IL1RAPL1: variants seen among roughly 807,000 people sequenced by gnomAD.
The protein encoded by IL1RAPL1 is interleukin-1 receptor accessory protein-like 1.
Under a neutral mutation model 48.4 loss-of-function variants are expected in IL1RAPL1, and 3 were observed. That is an observed-to-expected ratio of 0.06 (90% confidence interval 0.03 to 0.16). The LOEUF (loss-of-function observed/expected upper bound fraction) is 0.16, where lower values mean the gene tolerates loss of function less well. IL1RAPL1 is among the 10% of genes least tolerant of loss of function. IL1RAPL1 has a pLI of 1.00. For missense variants in IL1RAPL1, 349 were observed against 530.6 expected (o/e 0.66, Z 3.36); for synonymous variants, 185 against 187.7 (o/e 0.99, Z 0.12).
chrX:29,584,030 G>T (rs1923072454), intron 5 of IL1RAPL1, among the ~76,000 whole-genome samples: 1 of 111,338 alleles, frequency 9.0e-6, no homozygotes, highest in Non-Finnish European at 1.9e-5. Flanking sequence ...CTCTGGCACT[G>T]GTCCCTTGCT....
chrX:29,670,451 A>C (rs1323980216), intron 6 of IL1RAPL1, among the ~76,000 whole-genome samples: 2 of 111,917 alleles, frequency 1.8e-5, no homozygotes, highest in East Asian at 5.6e-4. Context: ...ATTTTAAGCA[A>C]CTTTTATTTT....
chrX:28,993,509 A>G (rs1241034858), intron 2 of IL1RAPL1, among the ~76,000 whole-genome samples: 1 of 111,971 alleles, frequency 8.9e-6, no homozygotes, highest in Non-Finnish European at 1.9e-5. Flanking sequence ...GATTGTGAGA[A>G]AGAGTTAACA....
intron 2 of IL1RAPL1, among the ~76,000 whole-genome samples, chrX:28,807,675 A>G (rs868707374): frequency 1.8e-5 from 2 of 111,590 alleles, no homozygotes; most frequent in Middle Eastern, 9.3e-3. Flanking sequence ...TATCCTAACT[A>G]GAAACCAGGT....
intron 5 of IL1RAPL1, among the ~76,000 whole-genome samples, chrX:29,611,038 A>G (rs934138036): frequency 3.6e-5 from 4 of 112,314 alleles, no homozygotes; most frequent in Admixed American, 9.4e-5. Flanking sequence ...ACATTATAAG[A>G]CAAGGAAAAA....
chrX:28,744,034 T>C (rs1021314477), intron 1 of IL1RAPL1, among the ~76,000 whole-genome samples: 1 of 111,281 alleles, frequency 9.0e-6, no homozygotes, highest in African/African-American at 3.3e-5. Flanking sequence ...ACTAGATCCT[T>C]ATCATTTATA....
chrX:29,500,135 A>G (rs1449155491), intron 5 of IL1RAPL1, among the ~76,000 whole-genome samples: 7 of 109,493 alleles, frequency 6.4e-5, no homozygotes, highest in African/African-American at 2.3e-4. Flanking sequence ...ATGCCACCAC[A>G]CCTGGCTAAT....
chrX:28,895,512 GA>G (rs1176038608), intron 2 of IL1RAPL1, among the ~76,000 whole-genome samples: 1 of 109,764 alleles, frequency 9.1e-6, no homozygotes, highest in African/African-American at 3.3e-5. Flanking sequence ...TTGAACTGGG[GA>G]AAAGGGCAGC....
chrX:29,496,470 T>C (rs999940572), intron 5 of IL1RAPL1, among the ~76,000 whole-genome samples: 5 of 29,641 alleles, frequency 1.7e-4, no homozygotes, highest in African/African-American at 8.5e-4. Context: ...TTCTTATTCC[T>C]TTTTTTTTTT....
intron 6 of IL1RAPL1, among the ~76,000 whole-genome samples, chrX:29,834,153 A>G (rs753426762): frequency 3.6e-5 from 4 of 112,662 alleles, no homozygotes; most frequent in Non-Finnish European, 7.5e-5. Flanking sequence ...AATTAAGTGT[A>G]CTGAAAGCAA....
At chrX:28,759,775 G>A (rs1936146572) in intron 1 of IL1RAPL1, among the ~76,000 whole-genome samples, 1 of 111,857 alleles carries the variant, frequency 8.9e-6, no homozygotes, top group Admixed American at 9.5e-5. Flanking sequence ...AAAGGTTGGT[G>A]GAGATGCTTG....
intron 6 of IL1RAPL1, among the ~76,000 whole-genome samples, chrX:29,708,798 A>T (rs1049522244): frequency 1.4e-4 from 16 of 111,849 alleles, no homozygotes; most frequent in Admixed American, 1.2e-3. Context: ...CCTCTATACT[A>T]TTTCCAAAAT....
chrX:28,993,096 CCTT>C (rs1315674751), intron 2 of IL1RAPL1, among the ~76,000 whole-genome samples: 2 of 111,893 alleles, frequency 1.8e-5, no homozygotes, highest in Non-Finnish European at 3.8e-5. Context: ...TTCGGTAAGA[CCTT>C]AACATTCAGC....
At chrX:29,303,193 G>A (rs936465191) in intron 3 of IL1RAPL1, among the ~76,000 whole-genome samples, 6 of 111,743 alleles carry the variant, frequency 5.4e-5, no homozygotes, top group African/African-American at 1.6e-4. Flanking sequence ...TTTGGGTGGG[G>A]CACTGACATA....
chrX:29,867,222 G>T (rs1364051656), intron 6 of IL1RAPL1, among the ~76,000 whole-genome samples: 1 of 111,451 alleles, frequency 9.0e-6, no homozygotes, highest in Admixed American at 9.5e-5. Context: ...CTAAACTTTT[G>T]CCCTGATTTG....
intron 1 of IL1RAPL1, among the ~76,000 whole-genome samples, chrX:28,614,969 A>G (rs1427844491): frequency 3.6e-5 from 4 of 110,481 alleles, no homozygotes; most frequent in Middle Eastern, 4.3e-3. Context: ...GCTCACTGCA[A>G]GCTCCGCCTC....
intron 5 of IL1RAPL1, among the ~76,000 whole-genome samples, chrX:29,463,516 GC>G (rs1934826929): frequency 9.0e-6 from 1 of 111,388 alleles, no homozygotes; most frequent in Admixed American, 9.5e-5. Context: ...TTTTTTTCTT[GC>G]TTTTTTACCC....
chrX:29,366,009 A>G (rs1467130041), intron 3 of IL1RAPL1, among the ~76,000 whole-genome samples: 1 of 104,707 alleles, frequency 9.6e-6, no homozygotes, highest in Non-Finnish European at 2.0e-5. Flanking sequence ...CCACTGCACT[A>G]CACACTCCAG....
intron 2 of IL1RAPL1, among the ~76,000 whole-genome samples, chrX:29,192,680 ATG>A (rs1930374119): frequency 8.9e-6 from 1 of 112,102 alleles, no homozygotes; most frequent in African/African-American, 3.2e-5. Flanking sequence ...TCCAAATAAA[ATG>A]TGATTCCACT....
intron 5 of IL1RAPL1, among the ~76,000 whole-genome samples, chrX:29,520,957 C>G (rs1218240509): frequency 9.0e-6 from 1 of 110,911 alleles, no homozygotes; most frequent in African/African-American, 3.3e-5. Flanking sequence ...ATGAGTTACC[C>G]TTTGAACACA....
Sources: gnomAD v4.1 joint callset for allele counts (sites outside exome capture counted in the v4.1 genomes callset) on GRCh38, gnomAD v4.1.1 for gene constraint, MANE v1.5 for transcripts, NCBI Gene and HGNC (gene_info 2026-07-23, HGNC 2026-07-21) for gene names.